Variants in MYT1L observed in about 807,000 individuals in gnomAD.
MYT1L encodes myelin transcription factor 1-like protein.
In MYT1L, 12 loss-of-function variants were observed where a neutral mutation model predicts 126.7. The observed-to-expected ratio is 0.09, with a 90% CI of 0.06 to 0.15. The LOEUF (loss-of-function observed/expected upper bound fraction) is 0.15, where lower values mean the gene tolerates loss of function less well. MYT1L is among the 10% of genes least tolerant of loss of function. The probability of loss-of-function intolerance (pLI) is 1.00; values close to 1 mark genes in which losing one functional copy is unlikely to be tolerated. For synonymous variants in MYT1L, 541 were observed against 604.2 expected (o/e 0.90, Z 1.53); for missense variants, 979 against 1,585.2 (o/e 0.62, Z 6.49).
At chr2:1,816,670 C>CT in intron 21 of MYT1L, 1 of 152,902 alleles carries the variant, frequency 6.5e-6, no homozygotes, top group African/African-American at 2.4e-5. Context: ...ACGTTGGCTG[C>CT]TTTGACTTGA....
intron 18 of MYT1L, among the ~76,000 whole-genome samples, chr2:1,865,709 G>T (rs2045373335): frequency 6.6e-6 from 1 of 152,060 alleles, no homozygotes; most frequent in African/African-American, 2.4e-5. Flanking sequence ...ACTTTCACAG[G>T]TTAGCAAGAA....
intron 1 of MYT1L, among the ~76,000 whole-genome samples, chr2:2,330,334 T>A (rs2096277224): frequency 6.6e-6 from 1 of 152,150 alleles, no homozygotes; most frequent in African/African-American, 2.4e-5. Context: ...AACTTTCATA[T>A]AAATATTTAC....
chr2:1,974,334 C>T (rs1458601478), intron 8 of MYT1L: 2 of 152,146 alleles, frequency 1.3e-5, no homozygotes, highest in Non-Finnish European at 2.9e-5. Context: ...AGCCATCTAA[C>T]AATGGGCGCA....
At chr2:1,884,182 G>A (rs1424403392) in intron 18 of MYT1L, 2 of 152,200 alleles carry the variant, frequency 1.3e-5, no homozygotes, top group Non-Finnish European at 2.9e-5. Flanking sequence ...ATGTATTGTA[G>A]AGAATAATTT....
Position 1,915,736 on chromosome 2 carries a change from G to A in MYT1L, c.1618+1469C>T, listed in dbSNP as rs571972182. Among the ~76,000 whole-genome samples the A allele has an allele frequency of 1.5e-3, 224 of 152,264 alleles. 2 individuals are homozygous for A. The highest frequency in any genetic ancestry group is 4.7e-3 in the African/African-American group (196 of 41,548). On this transcript the variant is annotated intron_variant, in intron 11 of 24. Coordinates refer to ENST00000647738, the MANE Select transcript of MYT1L (RefSeq NM_001303052.2). ...ACAGGCTCAGAGGTCAGTCGGATAC[G>A]GATTTACATCTTAGCCCGGAGCTTA...
chr2:1,958,911 C>T (rs1573994526), intron 8 of MYT1L, among the ~76,000 whole-genome samples: 1 of 152,222 alleles, frequency 6.6e-6, no homozygotes, highest in Non-Finnish European at 1.5e-5. Flanking sequence ...CTAGGATTCT[C>T]TGTAGGATTC....
intron 2 of MYT1L, among the ~76,000 whole-genome samples, chr2:2,278,371 C>T (rs940556538): frequency 6.6e-6 from 1 of 152,146 alleles, no homozygotes; most frequent in African/African-American, 2.4e-5. Flanking sequence ...TTTAGGGATC[C>T]CTCCTCTGTC....
intron 3 of MYT1L, among the ~76,000 whole-genome samples, chr2:2,139,612 C>G (rs2083638513): frequency 6.6e-6 from 1 of 151,756 alleles, no homozygotes; most frequent in African/African-American, 2.4e-5. Flanking sequence ...GCACTCCAGC[C>G]TGGGTGACAG....
At chr2:1,930,040 T>C (rs6724754) in intron 9 of MYT1L, among the ~76,000 whole-genome samples, 2,567 of 152,326 alleles carry the variant, frequency 0.017, 69 homozygotes, top group African/African-American at 0.058. Flanking sequence ...CTTCATGTCC[T>C]GCATGCTCCC....
chr2:1,890,434 A>G (rs1236657385), intron 15 of MYT1L, among the ~76,000 whole-genome samples: 4 of 152,114 alleles, frequency 2.6e-5, no homozygotes, highest in Non-Finnish European at 5.9e-5. Flanking sequence ...CTGCAGTTGT[A>G]GCTAAAAATA....
intron 9 of MYT1L, among the ~76,000 whole-genome samples, chr2:1,942,349 C>T (rs1024328638): frequency 3.3e-5 from 5 of 152,190 alleles, no homozygotes; most frequent in African/African-American, 7.2e-5. Flanking sequence ...CACAGCATGG[C>T]GGCCTTCTCC....
At position 2,252,801 on chromosome 2, in the gene MYT1L, A is replaced by G. The variant is rs564646737; in HGVS notation, c.-421+31603T>C. 2.6e-5 allele frequency among the ~76,000 whole-genome samples: 4 copies of G among 152,150 alleles called. No homozygotes were observed. In the East Asian group the frequency reaches 7.7e-4, roughly 29 times the overall value. On this transcript the variant is annotated intron_variant, in intron 2 of 24. Transcript: ENST00000647738. The stretch of plus-strand genomic sequence containing the variant: ...CCCTGGGTGTGCTCAGTGGGGTGCT[A>G]TATGTCTTCTAAAATGCCTTCCCCT...
chr2:2,025,434 A>G (rs2149862437), intron 4 of MYT1L, among the ~76,000 whole-genome samples: 1 of 152,354 alleles, frequency 6.6e-6, no homozygotes. Context: ...CACACCAAAC[A>G]GCAGCAAATG....
rs142501880 is a variant in MYT1L, at chr2:2,168,180, G to C, written c.-304+4692C>G. ...TATGAGTAACTCTGCAGAACGGTGT[G>C]GGCTCAACAGGAGGAGGAAGCACAG... On this transcript the variant is annotated intron_variant, in intron 3 of 24. Coordinates refer to ENST00000647738, the MANE Select transcript of MYT1L (RefSeq NM_001303052.2). Among the ~76,000 whole-genome samples, 1,169 of 152,164 alleles carry C rather than the reference G, an allele frequency of 7.7e-3. 15 individuals are homozygous for C. The highest frequency in any genetic ancestry group is 0.026 in the African/African-American group (1,070 of 41,502).
At chr2:2,210,523 A>C (rs2093468521) in intron 2 of MYT1L, among the ~76,000 whole-genome samples, 1 of 152,110 alleles carries the variant, frequency 6.6e-6, no homozygotes, top group African/African-American at 2.4e-5. Context: ...CTTTGTCAAA[A>C]ATGAGTTCAC....
chr2:2,213,151 C>T (rs749759841), intron 2 of MYT1L, among the ~76,000 whole-genome samples: 19 of 152,112 alleles, frequency 1.2e-4, no homozygotes, highest in South Asian at 4.1e-4. Context: ...AAAATGCAAA[C>T]GGACAAATAC....
intron 3 of MYT1L, among the ~76,000 whole-genome samples, chr2:2,068,769 G>GTTTGTTTTT (rs2074210117): frequency 1.1e-4 from 3 of 26,182 alleles, no homozygotes; most frequent in Non-Finnish European, 1.5e-4. Context: ...TGTTCTTCTT[G>GTTTGTTTTT]TTTTTTTTTT....
intron 19 of MYT1L, among the ~76,000 whole-genome samples, chr2:1,846,829 G>C (rs187381057): frequency 3.9e-5 from 6 of 152,204 alleles, no homozygotes; most frequent in Admixed American, 3.3e-4. Context: ...GGTTGGACAA[G>C]CACCACCTTA....
chr2:1,839,792 C>T (rs984070449), intron 20 of MYT1L, among the ~76,000 whole-genome samples: 1 of 152,246 alleles, frequency 6.6e-6, no homozygotes, highest in Non-Finnish European at 1.5e-5. Context: ...GAGGCTGTTT[C>T]GTGCTTTTCT....
Sources: gnomAD v4.1 joint callset for allele counts (sites outside exome capture counted in the v4.1 genomes callset) on GRCh38, gnomAD v4.1.1 for gene constraint, MANE v1.5 for transcripts, NCBI Gene and HGNC (gene_info 2026-07-23, HGNC 2026-07-21) for gene names.